FNDC3B: variants seen among roughly 807,000 people sequenced by gnomAD.
FNDC3B encodes fibronectin type III domain-containing protein 3B.
A neutral mutation model predicts 151.5 loss-of-function variants in FNDC3B; 12 were observed. The ratio of observed to expected loss-of-function variants is 0.08; its 90% confidence interval spans 0.05 to 0.13. The LOEUF (loss-of-function observed/expected upper bound fraction) is 0.13. FNDC3B is among the 10% of genes least tolerant of loss of function. The pLI is 1.00. For missense variants in FNDC3B, 1,214 were observed against 1,505.3 expected (o/e 0.81, Z 3.20); for synonymous variants, 528 against 549.0 (o/e 0.96, Z 0.54).
intron 2 of FNDC3B, among the ~76,000 whole-genome samples, chr3:172,116,876 A>G (rs1296724978): frequency 3.9e-5 from 6 of 152,076 alleles, no homozygotes; most frequent in Admixed American, 3.9e-4. Flanking sequence ...CACTCAACAC[A>G]TTTCTAAGGT....
At chr3:172,277,539 G>A (rs1353014745) in intron 6 of FNDC3B, among the ~76,000 whole-genome samples, 2 of 152,132 alleles carry the variant, frequency 1.3e-5, no homozygotes, top group Non-Finnish European at 2.9e-5. Context: ...TTAGCGCGTA[G>A]GGTTTTAAGA....
chr3:172,205,857 T>A (rs1368468079), intron 3 of FNDC3B, among the ~76,000 whole-genome samples: 1 of 152,180 alleles, frequency 6.6e-6, no homozygotes, highest in Non-Finnish European at 1.5e-5. Flanking sequence ...TTATTATAAA[T>A]TGGTTGAATT....
intron 3 of FNDC3B, among the ~76,000 whole-genome samples, chr3:172,179,831 C>A (rs1056480226): frequency 4.9e-5 from 7 of 142,830 alleles, no homozygotes; most frequent in African/African-American, 1.6e-4. Context: ...GCACTCCAGC[C>A]CAGGCAACAG....
In FNDC3B at chr3:172,397,597, C is replaced by T. The variant is rs1736353560; in HGVS notation, c.*122C>T. On this transcript the variant is annotated 3_prime_UTR_variant, in exon 26 of 26. Coordinates refer to ENST00000415807, the MANE Select transcript of FNDC3B (RefSeq NM_022763.4). ...TATATACTCTGTTTTACAGATTTAG[C>T]TAGAAAAAAAATGTCAGTGTTTTGG... 1.9e-6 allele frequency: 1 copy of T among 529,866 alleles called. No homozygotes were observed. The highest frequency in any genetic ancestry group is 3.5e-5 in the East Asian group (1 of 28,852). The allele number at this position is 529,866 out of a possible 1,614,324, so 32.8% of individuals were successfully genotyped here.
At chr3:172,055,869 C>T (rs1164929912) in intron 1 of FNDC3B, among the ~76,000 whole-genome samples, 5 of 151,978 alleles carry the variant, frequency 3.3e-5, no homozygotes, top group Non-Finnish European at 5.9e-5. Flanking sequence ...CAAGCTCTGC[C>T]TCCAGGGTTC....
intron 9 of FNDC3B, among the ~76,000 whole-genome samples, chr3:172,303,490 G>A (rs1731039027): frequency 6.6e-6 from 1 of 152,134 alleles, no homozygotes; most frequent in South Asian, 2.1e-4. Context: ...AAAAGTTGGA[G>A]GCATACTTCT....
intron 3 of FNDC3B, among the ~76,000 whole-genome samples, chr3:172,199,947 C>T (rs548689093): frequency 1.3e-5 from 2 of 152,278 alleles, no homozygotes; most frequent in South Asian, 4.1e-4. Flanking sequence ...TTTTGTGTTT[C>T]GTGCATTTGT....
chr3:172,182,990 A>C (rs990166881), intron 3 of FNDC3B, among the ~76,000 whole-genome samples: 18 of 152,262 alleles, frequency 1.2e-4, no homozygotes, highest in Non-Finnish European at 5.9e-5. Flanking sequence ...AAAGCAAGAT[A>C]CAGCAAGCTA....
At chr3:172,098,486 G>A (rs1349524079) in intron 1 of FNDC3B, among the ~76,000 whole-genome samples, 1 of 151,994 alleles carries the variant, frequency 6.6e-6, no homozygotes. Context: ...TTAAGGAATC[G>A]GTATTTAAGG....
At chr3:172,041,757 C>T (rs898513579) in intron 1 of FNDC3B, among the ~76,000 whole-genome samples, 1 of 152,098 alleles carries the variant, frequency 6.6e-6, no homozygotes, top group Non-Finnish European at 1.5e-5. Flanking sequence ...GGATAGCAGC[C>T]GGGAGCGCTG....
Position 172,297,530 on chromosome 3 carries a change from A to G in FNDC3B, c.1002-1198A>G, listed in dbSNP as rs183770572. On this transcript the variant is annotated intron_variant, in intron 8 of 25. Coordinates refer to ENST00000415807, the MANE Select transcript of FNDC3B (RefSeq NM_022763.4). ...TGCTCTGTCGCCCAGGCTGGAGTGCAGTGGCACTATCTTGGCTCACTGCAA... is the reference window on the plus strand; with the variant it reads ...TGCTCTGTCGCCCAGGCTGGAGTGCGGTGGCACTATCTTGGCTCACTGCAA... 2.6e-5 allele frequency among the ~76,000 whole-genome samples: 4 copies of G among 151,882 alleles called. No individual in the cohort carries two copies. In the East Asian group the frequency reaches 7.7e-4, roughly 29 times the overall value.
chr3:172,217,809 T>A (rs1395005831), intron 3 of FNDC3B, among the ~76,000 whole-genome samples: 2 of 152,178 alleles, frequency 1.3e-5, no homozygotes, highest in Non-Finnish European at 2.9e-5. Flanking sequence ...TTAAAACAGC[T>A]AAGTAACAAA....
chr3:172,227,311 A>C (rs896708282), intron 4 of FNDC3B: 1 of 164,990 alleles, frequency 6.1e-6, no homozygotes, highest in Admixed American at 6.1e-5. Context: ...TAAAGGAGAC[A>C]TAGCTCACAT....
intron 3 of FNDC3B, among the ~76,000 whole-genome samples, chr3:172,221,802 A>T (rs778996535): frequency 2.4e-4 from 37 of 152,236 alleles, no homozygotes; most frequent in Non-Finnish European, 4.7e-4. Flanking sequence ...CATTTATGAG[A>T]TTCATCAGAA....
At chr3:172,084,680 A>G (rs577252488) in intron 1 of FNDC3B, among the ~76,000 whole-genome samples, 1 of 152,372 alleles carries the variant, frequency 6.6e-6, no homozygotes, top group South Asian at 2.1e-4. Flanking sequence ...AAACTGAGAC[A>G]TTCAAGGTTA....
chr3:172,373,468 T>C (rs1371245945), intron 23 of FNDC3B, among the ~76,000 whole-genome samples: 2 of 152,210 alleles, frequency 1.3e-5, no homozygotes, highest in Non-Finnish European at 2.9e-5. Flanking sequence ...GCTGTTCTCC[T>C]CTTCATGGCA....
chr3:172,146,629 A>T (rs1303395064), intron 3 of FNDC3B, among the ~76,000 whole-genome samples: 9 of 152,206 alleles, frequency 5.9e-5, no homozygotes. Flanking sequence ...TTTCCCACGT[A>T]CATTTCAGTG....
chr3:172,208,016 TAGCAATGCTTTC>T (rs202069505), intron 3 of FNDC3B, among the ~76,000 whole-genome samples: 1,811 of 152,338 alleles, frequency 0.012, 23 homozygotes, highest in Non-Finnish European at 0.015. Context: ...ACCTTAGCCT[TAGCAATGCTTTC>T]CCCAGTCTTT....
Position 172,125,082 on chromosome 3 carries a change from G to C in FNDC3B, c.112-8389G>C, listed in dbSNP as rs1720746650. ...GCTTGGACTCACCTCTCTTAGTCTT[G>C]TTCAGGTAAACAGCTGGGGAGCGAG... is the stretch of plus-strand genomic sequence containing the variant. On this transcript the variant is annotated intron_variant, in intron 2 of 25. Transcript: ENST00000415807. Among the ~76,000 whole-genome samples the C allele has an allele frequency of 3.3e-5, 5 of 152,218 alleles. No individual in the cohort carries two copies. In the South Asian group the frequency reaches 1.0e-3, roughly 32 times the overall value.
Sources: allele counts gnomAD v4.1 joint callset (sites outside exome capture counted in the v4.1 genomes callset), GRCh38; gene constraint gnomAD v4.1.1; transcripts MANE v1.5; gene names NCBI Gene and HGNC (gene_info 2026-07-23, HGNC 2026-07-21).